The following SECISBP2L variants were observed in gnomAD, a reference collection of about 807,000 sequenced individuals.
SECISBP2L encodes SECIS binding protein 2 like.
Under a neutral mutation model 114.7 loss-of-function variants are expected in SECISBP2L, and 43 were observed. The ratio of observed to expected loss-of-function variants is 0.38; its 90% CI spans 0.29 to 0.48. SECISBP2L has a LOEUF of 0.48. Ranked by LOEUF, SECISBP2L falls within the 20% of genes least tolerant of loss-of-function variation. SECISBP2L has a pLI of 0.98. For synonymous variants in SECISBP2L, 451 were observed against 439.7 expected, an observed-to-expected ratio of 1.03 and a Z score of -0.32; for missense variants, 1,136 against 1,301.1, an observed-to-expected ratio of 0.87 and a Z score of 1.95.
Position 48,989,469 on chromosome 15 carries a change from C to T in SECISBP2L, c.*2775G>A, listed in dbSNP as rs1433303600. On this transcript the variant is annotated 3_prime_UTR_variant, in exon 18 of 18. Coordinates refer to ENST00000559471, the MANE Select transcript of SECISBP2L (RefSeq NM_001193489.2). ...AGTAAAAACTTCTCAATGTATAACA[C>T]ACATTACTTTTCCACATTTAGTCAA... is the stretch of plus-strand genomic sequence containing the variant. 1.3e-5 allele frequency: 2 copies of T among 152,618 alleles called. No individual in the cohort carries two copies. Among genetic ancestry groups the T allele is most frequent in the Non-Finnish European group, 2.9e-5 (2 of 68,010 alleles). The allele number at this position is 152,618 out of a possible 1,614,324, so 9.5% of individuals were successfully genotyped here. A position where few individuals can be genotyped will look rare whatever the true frequency, so the allele number is the denominator to read the frequency against.
chr15:49,041,482 G>A (rs1051112996), intron 1 of SECISBP2L, among the ~76,000 whole-genome samples: 23 of 152,136 alleles, frequency 1.5e-4, no homozygotes, highest in African/African-American at 4.3e-4. Context: ...TTCAACAAAC[G>A]TGCATTTAGC....
intron 1 of SECISBP2L, among the ~76,000 whole-genome samples, chr15:49,040,411 C>T (rs1468066787): frequency 6.6e-6 from 1 of 151,852 alleles, no homozygotes; most frequent in Non-Finnish European, 1.5e-5. Context: ...ATAGCTACAA[C>T]TCTGTATGGT....
chr15:48,997,140 C>T (rs1391637746), intron 16 of SECISBP2L, among the ~76,000 whole-genome samples: 1 of 152,118 alleles, frequency 6.6e-6, no homozygotes, highest in Non-Finnish European at 1.5e-5. Flanking sequence ...AAATCAGGGC[C>T]TTCAAAGCCA....
intron 13 of SECISBP2L, among the ~76,000 whole-genome samples, chr15:49,010,239 T>C (rs1902411402): frequency 6.6e-6 from 1 of 151,774 alleles, no homozygotes; most frequent in African/African-American, 2.4e-5. Flanking sequence ...TTAAACAATC[T>C]AAAACTTCCC....
rs892009589 is a variant in SECISBP2L, at chr15:49,035,346, T to G, written c.516A>C (p.Ser172=). The G allele has an allele frequency of 6.2e-7, 1 of 1,613,562 alleles. No individual in the cohort carries two copies. Among genetic ancestry groups the G allele is most frequent in the Non-Finnish European group, 8.5e-7 (1 of 1,179,504 alleles). ...SHRSRNSNRG[S]VVPKQQLLQQ... The stretch of plus-strand genomic sequence containing the variant: ...ACCAGACACTTACTTTTGGGACCAC[T>G]GATCCTCTGTTACTGTTTCTGCTTC... The change falls in exon 3 of 18, where the codon TCA becomes TCC. Residue 172 remains serine (S), a synonymous_variant. Coordinates refer to ENST00000559471, the MANE Select transcript of SECISBP2L (RefSeq NM_001193489.2).
chr15:49,045,786 A>G (rs929832004), intron 1 of SECISBP2L, among the ~76,000 whole-genome samples: 1 of 152,154 alleles, frequency 6.6e-6, no homozygotes. Flanking sequence ...ACCTCCGTAA[A>G]ACCACTGCAA....
chr15:49,024,427 C>T (rs1324066933), intron 7 of SECISBP2L, among the ~76,000 whole-genome samples: 10 of 148,012 alleles, frequency 6.8e-5, no homozygotes, highest in African/African-American at 1.5e-4. Context: ...ACCCGGGAGG[C>T]GGAGGTTGCA....
Position 49,035,678 on chromosome 15 carries a change from A to C in SECISBP2L, c.204-20T>G. ...AACTGTCTGCAAAACCAAATCAAAG[A>C]AGAACAAATCTATTGACAAGTCTAA... On this transcript the variant is annotated intron_variant, in intron 2 of 17. Coordinates refer to ENST00000559471, the MANE Select transcript of SECISBP2L (RefSeq NM_001193489.2). 6.3e-7 allele frequency: 1 copy of C among 1,587,160 alleles called. No individual in the cohort carries two copies. Among genetic ancestry groups the C allele is most frequent in the Non-Finnish European group, 8.6e-7 (1 of 1,165,366 alleles).
chr15:49,039,928 T>C lies in SECISBP2L; in HGVS notation c.25-2159A>G, dbSNP rs982524285. Among the ~76,000 whole-genome samples, 6 of 152,272 alleles carry C rather than the reference T, an allele frequency of 3.9e-5. No individual in the cohort carries two copies. In the South Asian group the frequency reaches 8.3e-4, roughly 21 times the overall value. ...ATTCGGGGTTTTTTTCAGCAAGGTA[T>C]ATGGGTACATCAAATTATCAATCTT... On this transcript the variant is annotated intron_variant, in intron 1 of 17. Transcript: ENST00000559471.
At chr15:48,997,691 G>A (rs2141060142) in intron 16 of SECISBP2L, among the ~76,000 whole-genome samples, 1 of 152,188 alleles carries the variant, frequency 6.6e-6, no homozygotes, top group Non-Finnish European at 1.5e-5. Flanking sequence ...CCAACATGGA[G>A]AAACACCATC....
rs765099271 is a variant in SECISBP2L, at chr15:49,046,307, G to C, written c.-8C>G. 6.5e-7 allele frequency: 1 copy of C among 1,547,010 alleles called. No homozygotes were observed. The highest frequency in any genetic ancestry group is 8.7e-7 in the Non-Finnish European group (1 of 1,147,448). ...CGTGGGGGCTCGGTCCATGGTGCCT[G>C]CAGCCGCAACGGGCCCGCGCTAGTC... On this transcript the variant is annotated 5_prime_UTR_variant, in exon 1 of 18. Transcript: ENST00000559471.
chr15:49,044,691 C>T (rs1227432192), intron 1 of SECISBP2L, among the ~76,000 whole-genome samples: 1 of 152,046 alleles, frequency 6.6e-6, no homozygotes, highest in Non-Finnish European at 1.5e-5. Context: ...TTTAATAGGT[C>T]GTGGACTTTG....
At chr15:49,019,171 A>G (rs950387695) in intron 8 of SECISBP2L, among the ~76,000 whole-genome samples, 4 of 152,194 alleles carry the variant, frequency 2.6e-5, no homozygotes, top group African/African-American at 9.6e-5. Context: ...ACCTCTATAC[A>G]TTACCCCCTA....
At chr15:49,009,814 G>A (rs1384328294) in intron 13 of SECISBP2L, among the ~76,000 whole-genome samples, 1 of 152,046 alleles carries the variant, frequency 6.6e-6, no homozygotes, top group African/African-American at 2.4e-5. Flanking sequence ...TGTTCCCAGA[G>A]AATTTAAATT....
chr15:49,009,096 A>C (rs7167402), intron 14 of SECISBP2L, 120 bp downstream of exon 14: 599,791 of 1,026,780 alleles, frequency 0.58, 183,467 homozygotes, highest in Non-Finnish European at 0.64. Context: ...ATCCGAAAGG[A>C]GTTAAAGATC....
At chr15:48,996,062 T>C (rs995509025) in intron 17 of SECISBP2L, 3 of 290,408 alleles carry the variant, frequency 1.0e-5, no homozygotes, top group African/African-American at 6.6e-5. Flanking sequence ...GCATAAAGTA[T>C]TGGAATAAAA....
At chr15:49,016,461 TATAC>T in intron 11 of SECISBP2L, 95 bp downstream of exon 11, 1 of 1,044,336 alleles carries the variant, frequency 9.6e-7, no homozygotes, top group Non-Finnish European at 1.4e-6. Context: ...CACACATATA[TATAC>T]ACATACATAT....
At chr15:49,017,460 C>A in intron 9 of SECISBP2L, 88 bp downstream of exon 9, 1 of 849,856 alleles carries the variant, frequency 1.2e-6, no homozygotes, top group Non-Finnish European at 1.9e-6. Context: ...CTCCATGTGC[C>A]TTTACACTTA....
intron 7 of SECISBP2L, among the ~76,000 whole-genome samples, chr15:49,026,875 C>T (rs1902753945): frequency 6.6e-6 from 1 of 152,314 alleles, no homozygotes. Context: ...ACAGCCTGCT[C>T]TACTGTACTG....
Sources: gnomAD v4.1 joint callset for allele counts (sites outside exome capture counted in the v4.1 genomes callset) on GRCh38, gnomAD v4.1.1 for gene constraint, MANE v1.5 for transcripts, NCBI Gene and HGNC (gene_info 2026-07-23, HGNC 2026-07-21) for gene names.